SEMA3E: variants seen among roughly 807,000 people sequenced by gnomAD.
SEMA3E encodes the protein semaphorin 3E.
Under a neutral mutation model 93.6 loss-of-function variants are expected in SEMA3E, and 49 were observed. That is an observed-to-expected ratio of 0.52 (90% CI 0.42 to 0.66). SEMA3E has a LOEUF of 0.66. Among genes scored for constraint, SEMA3E ranks in the 30% least tolerant of loss-of-function variants. SEMA3E has a pLI of 0.00. For synonymous variants in SEMA3E, 363 were observed against 330.7 expected (o/e 1.10, Z -1.06); for missense variants, 906 against 964.8 (o/e 0.94, Z 0.81).
chr7:83,482,358 A>G (rs2115946164), intron 2 of SEMA3E, among the ~76,000 whole-genome samples: 1 of 152,064 alleles, frequency 6.6e-6, no homozygotes, highest in Non-Finnish European at 1.5e-5. Context: ...CGAGGTCAGG[A>G]GATTGAGACC....
chr7:83,494,912 T>C (rs1450291714), intron 1 of SEMA3E, among the ~76,000 whole-genome samples: 4 of 151,960 alleles, frequency 2.6e-5, no homozygotes, highest in African/African-American at 9.7e-5. Context: ...ATTGAATGTG[T>C]TGTGAACAAT....
rs1009599859 is a variant in SEMA3E, at chr7:83,367,362, G to A, written c.*224C>T. 6.0e-6 allele frequency: 3 copies of A among 502,798 alleles called. No homozygotes were observed. The East Asian group carries it at 1.0e-4, about 17-fold the overall frequency. 31.1% of individuals were successfully genotyped at this position (502,798 alleles called of 1,614,324 possible). A position where few individuals can be genotyped will look rare whatever the true frequency, so the allele number is the denominator to read the frequency against. On this transcript the variant is annotated 3_prime_UTR_variant, in exon 17 of 17. Coordinates refer to ENST00000643230, the MANE Select transcript of SEMA3E (RefSeq NM_012431.3). The stretch of plus-strand genomic sequence containing the variant: ...ACAGTTGTTTTTTGATAAACATAAT[G>A]AGAAACCATTAAGCAATGCATTTAT...
At chr7:83,451,651 G>A (rs772547989) in intron 4 of SEMA3E, among the ~76,000 whole-genome samples, 2 of 152,230 alleles carry the variant, frequency 1.3e-5, no homozygotes, top group African/African-American at 2.4e-5. Context: ...GTGCTTGACA[G>A]AAACTGTGGA....
chr7:83,441,029 C>T lies in SEMA3E; in HGVS notation c.457-22546G>A, dbSNP rs193280655. Among the ~76,000 whole-genome samples the T allele has an allele frequency of 1.6e-3, 238 of 152,182 alleles. 1 individual carries two copies. The highest frequency in any genetic ancestry group is 4.3e-3 in the African/African-American group (178 of 41,522). ...AACCTGGTTGTTTTGAAGAGACTTA[C>T]TGGATGGCAAGATTAATTTGACAGC... On this transcript the variant is annotated intron_variant, in intron 4 of 16. Coordinates refer to ENST00000643230, the MANE Select transcript of SEMA3E (RefSeq NM_012431.3).
At chr7:83,394,874 A>T (rs1050248757) in intron 12 of SEMA3E, among the ~76,000 whole-genome samples, 8 of 152,112 alleles carry the variant, frequency 5.3e-5, no homozygotes, top group Non-Finnish European at 8.8e-5. Context: ...GCACCAGAGG[A>T]AGGACAATTT....
At chr7:83,580,919 C>G (rs536059764) in intron 1 of SEMA3E, among the ~76,000 whole-genome samples, 5 of 151,966 alleles carry the variant, frequency 3.3e-5, no homozygotes, top group South Asian at 2.1e-4. Context: ...AATTCTGTGT[C>G]AAAAATGATA....
At chr7:83,446,984 T>C (rs1449615473) in intron 4 of SEMA3E, among the ~76,000 whole-genome samples, 6 of 152,212 alleles carry the variant, frequency 3.9e-5, no homozygotes, top group Non-Finnish European at 8.8e-5. Flanking sequence ...AGATAGACAA[T>C]GTTACTTCAC....
intron 1 of SEMA3E, among the ~76,000 whole-genome samples, chr7:83,606,941 CT>C (rs1175481458): frequency 6.6e-6 from 1 of 152,124 alleles, no homozygotes; most frequent in African/African-American, 2.4e-5. Context: ...ATTTCACAAT[CT>C]TTCTGTTATA....
chr7:83,477,974 GCAATGGCA>G (rs1355823667), intron 2 of SEMA3E, among the ~76,000 whole-genome samples: 1 of 151,560 alleles, frequency 6.6e-6, no homozygotes, highest in Admixed American at 6.6e-5. Context: ...AGGCTGGAGT[GCAATGGCA>G]CAATCTCGGC....
chr7:83,469,205 A>T, intron 3 of SEMA3E, 38 bp downstream of exon 3: 1 of 1,490,172 alleles, frequency 6.7e-7, no homozygotes, highest in Non-Finnish European at 9.4e-7. Flanking sequence ...TAGGGATATA[A>T]TTGATGATTT....
chr7:83,644,444 C>A (rs549803437), intron 1 of SEMA3E, among the ~76,000 whole-genome samples: 1 of 152,010 alleles, frequency 6.6e-6, no homozygotes, highest in East Asian at 1.9e-4. Flanking sequence ...TCTTTAGGAC[C>A]TGTTTCCTTC....
chr7:83,463,719 C>A (rs1184041484), intron 4 of SEMA3E, among the ~76,000 whole-genome samples: 3 of 151,928 alleles, frequency 2.0e-5, no homozygotes, highest in East Asian at 3.9e-4. Context: ...AGCCACTAGC[C>A]CGCCTCTTAG....
chr7:83,406,477 C>T (rs1214017559), intron 7 of SEMA3E, among the ~76,000 whole-genome samples: 1 of 151,838 alleles, frequency 6.6e-6, no homozygotes, highest in Non-Finnish European at 1.5e-5. Context: ...GTTTGAAATA[C>T]ACACACAACA....
At chr7:83,577,765 A>T (rs1355543486) in intron 1 of SEMA3E, among the ~76,000 whole-genome samples, 1 of 152,092 alleles carries the variant, frequency 6.6e-6, no homozygotes, top group African/African-American at 2.4e-5. Context: ...ATGTAAAGTG[A>T]TTTTTTATTA....
chr7:83,460,254 A>T (rs201812482), intron 4 of SEMA3E, among the ~76,000 whole-genome samples: 4 of 152,098 alleles, frequency 2.6e-5, no homozygotes, highest in Admixed American at 2.6e-4. Flanking sequence ...ACATCTCACC[A>T]ATTTTAAATC....
chr7:83,594,213 T>C (rs1019155406), intron 1 of SEMA3E, among the ~76,000 whole-genome samples: 1 of 152,174 alleles, frequency 6.6e-6, no homozygotes, highest in Non-Finnish European at 1.5e-5. Context: ...GCTTTTCATA[T>C]AACATTCAGT....
intron 2 of SEMA3E, among the ~76,000 whole-genome samples, chr7:83,486,381 T>C (rs1277445507): frequency 6.6e-6 from 1 of 152,040 alleles, no homozygotes; most frequent in African/African-American, 2.4e-5. Flanking sequence ...AGTACCAAGT[T>C]TGAGAAGCTC....
chr7:83,547,989 G>A (rs1250498107), intron 1 of SEMA3E, among the ~76,000 whole-genome samples: 1 of 152,088 alleles, frequency 6.6e-6, no homozygotes, highest in Non-Finnish European at 1.5e-5. Context: ...GGTGAACTTG[G>A]CTACCCTCAG....
chr7:83,580,109 G>C (rs983868474), intron 1 of SEMA3E, among the ~76,000 whole-genome samples: 1 of 151,972 alleles, frequency 6.6e-6, no homozygotes. Flanking sequence ...ACAACTATCT[G>C]AACTTTGATA....
Sources: gnomAD v4.1 joint callset for allele counts (sites outside exome capture counted in the v4.1 genomes callset) on GRCh38, gnomAD v4.1.1 for gene constraint, MANE v1.5 for transcripts, NCBI Gene and HGNC (gene_info 2026-07-23, HGNC 2026-07-21) for gene names.